NR4A1: variants seen among roughly 807,000 people sequenced by gnomAD.
NR4A1 encodes the protein nuclear receptor subfamily 4immunitygroup A member 1.
Under a neutral mutation model 47.5 loss-of-function variants are expected in NR4A1, and 24 were observed. The observed-to-expected ratio is 0.50, with a 90% confidence interval of 0.37 to 0.71. The LOEUF (loss-of-function observed/expected upper bound fraction) is 0.71. NR4A1 is among the 30% of genes least tolerant of loss of function. The pLI is 0.00. For synonymous variants in NR4A1, 353 were observed against 345.7 expected, an observed-to-expected ratio of 1.02 and a Z score of -0.24; for missense variants, 669 against 788.6, an observed-to-expected ratio of 0.85 and a Z score of 1.82.
chr12:52,055,346 C>A, intron 2 of NR4A1, 142 bp downstream of exon 2: 1 of 1,118,494 alleles, frequency 8.9e-7, no homozygotes, highest in Non-Finnish European at 1.3e-6. Flanking sequence ...GCCAGGTGGG[C>A]CGCCTTCCTG....
intron 1 of NR4A1, among the ~76,000 whole-genome samples, chr12:52,034,531 G>A (rs935734807): frequency 6.6e-6 from 1 of 152,208 alleles, no homozygotes; most frequent in African/African-American, 2.4e-5. Flanking sequence ...GTGAAGCAGT[G>A]CCTGTAGAAA....
chr12:52,057,622 G>A (rs1420272018), intron 6 of NR4A1, 92 bp downstream of exon 6: 19 of 1,466,530 alleles, frequency 1.3e-5, no homozygotes, highest in Non-Finnish European at 1.8e-5. Context: ...AGTTTGGTGG[G>A]CCGGGATCTA....
At chr12:52,028,870 T>G (rs1253578926) in intron 1 of NR4A1, among the ~76,000 whole-genome samples, 6 of 152,170 alleles carry the variant, frequency 3.9e-5, no homozygotes, top group African/African-American at 7.2e-5. Context: ...GCCACTGCAC[T>G]CCAGCCTGGG....
rs145268319 is a variant in NR4A1 at position 52,042,965 on chromosome 12, C to T, written c.37+1036C>T. On this transcript the variant is annotated intron_variant, in intron 2 of 7. Transcript: ENST00000360284. The stretch of plus-strand genomic sequence containing the variant: ...ACTGGCTCAGTATCTCCCTCAGCTT[C>T]CCAAACACTGTTGCCTCATGGGGGG... Among the ~76,000 whole-genome samples the T allele has an allele frequency of 8.7e-3, 1,323 of 152,290 alleles. 7 individuals are homozygous for T. The highest frequency in any genetic ancestry group is 0.014 in the Non-Finnish European group (949 of 68,024).
intron 1 of NR4A1, among the ~76,000 whole-genome samples, chr12:52,026,319 T>C (rs1199897589): frequency 2.0e-5 from 3 of 152,192 alleles, no homozygotes; most frequent in South Asian, 2.1e-4. Flanking sequence ...CAAGGCTAAA[T>C]GAAGGTGGGA....
At chr12:52,037,556 A>T (rs1424648992) in intron 1 of NR4A1, 3 of 963,816 alleles carry the variant, frequency 3.1e-6, no homozygotes, top group Non-Finnish European at 3.7e-6. Context: ...CCGCTTGGAA[A>T]CTGGGGAGTC....
In NR4A1 at chr12:52,056,547, A is replaced by T; in HGVS notation, c.1060A>T (p.Lys354Ter). 6.2e-7 allele frequency: 1 copy of T among 1,613,038 alleles called. No individual in the cohort carries two copies. The highest frequency in any genetic ancestry group is 8.5e-7 in the Non-Finnish European group (1 of 1,179,644). The change falls in exon 4 of 7, where the codon AAG becomes TAG. Residue 354 changes from lysine to a stop codon, truncating the protein, a stop_gained. Coordinates refer to ENST00000394825, the MANE Select transcript of NR4A1 (RefSeq NM_173157.3). LOFTEE classifies it high-confidence loss of function. ...GRRGRLPSKPKQPPDASPANL... is the reference protein window; with the variant it reads ...GRRGRLPSKP ...GCGGGGCCGGCTACCTTCAAAACCC[A>T]AGCAGCCCCCAGATGCCTCCCCTGC...
At chr12:52,051,391 C>T (rs1263920845), upstream of NR4A1, 1 of 985,476 alleles carries the variant, frequency 1.0e-6, no homozygotes, top group South Asian at 4.7e-5. Context: ...CGCCCCCGCC[C>T]CTCCCCGTGC....
At chr12:52,052,267 A>G (rs60116994) in intron 1 of NR4A1, among the ~76,000 whole-genome samples, 2,329 of 79,880 alleles carry the variant, frequency 0.029, 32 homozygotes, top group African/African-American at 0.093. Flanking sequence ...GGCTTGGATC[A>G]CGTGTGTGTG....
chr12:52,040,194 G>A (rs1419635912), intron 1 of NR4A1, among the ~76,000 whole-genome samples: 1 of 152,194 alleles, frequency 6.6e-6, no homozygotes, highest in Non-Finnish European at 1.5e-5. Context: ...GGGGTCCTCA[G>A]TAAATGCTTG....
intron 1 of NR4A1, chr12:52,038,027 C>T (rs904747802): frequency 1.3e-5 from 13 of 986,906 alleles, no homozygotes; most frequent in African/African-American, 1.8e-5. Context: ...GAGGGCAGGG[C>T]ACAGTTCCTT....
At position 52,045,520 on chromosome 12, in the gene NR4A1, C is replaced by A. The variant is rs566708472; in HGVS notation, c.37+3591C>A. The stretch of plus-strand genomic sequence containing the variant: ...GGGGGAGCCCAGGCCCCAGGCAGTG[C>A]TACATTTGGATGTGGAGCCTCTCCT... On this transcript the variant is annotated intron_variant, in intron 2 of 7. Coordinates refer to the NR4A1 transcript ENST00000360284. 299 of 453,104 alleles carry A rather than the reference C, an allele frequency of 6.6e-4. 1 individual carries two copies. Among genetic ancestry groups the A allele is most frequent in the Middle Eastern group, 2.3e-3 (7 of 3,062 alleles). The allele number at this position is 453,104 out of a possible 1,614,324, so 28.1% of individuals were successfully genotyped here. A position where few individuals can be genotyped will look rare whatever the true frequency, so the allele number is the denominator to read the frequency against.
At chr12:52,023,922 T>G (rs975166051) in intron 1 of NR4A1, among the ~76,000 whole-genome samples, 2 of 152,188 alleles carry the variant, frequency 1.3e-5, no homozygotes, top group African/African-American at 2.4e-5. Context: ...CCGGCCCGGC[T>G]CCTGGACCCC....
At chr12:52,038,572 C>A in intron 1 of NR4A1, 1 of 628,132 alleles carries the variant, frequency 1.6e-6, no homozygotes, top group Non-Finnish European at 2.9e-6. Flanking sequence ...TGTCGTCGGC[C>A]TGGCTTGGGG....
At chr12:52,053,064 C>A (rs113847017) in intron 1 of NR4A1, among the ~76,000 whole-genome samples, 3 of 152,214 alleles carry the variant, frequency 2.0e-5, no homozygotes, top group African/African-American at 7.2e-5. Context: ...ATCACTGCAC[C>A]CCTTGATTAT....
intron 1 of NR4A1, among the ~76,000 whole-genome samples, chr12:52,036,385 T>C (rs144732314): frequency 1.2e-3 from 180 of 152,204 alleles, no homozygotes; most frequent in Middle Eastern, 6.8e-3. Flanking sequence ...AAGCACTCCT[T>C]TGGATTGGGG....
chr12:52,027,182 C>T (rs905315758), intron 1 of NR4A1, among the ~76,000 whole-genome samples: 1 of 152,238 alleles, frequency 6.6e-6, no homozygotes, highest in African/African-American at 2.4e-5. Flanking sequence ...CCCTGACTTC[C>T]AGCCCGTTAC....
At chr12:52,036,754 C>T (rs1377799194) in intron 1 of NR4A1, among the ~76,000 whole-genome samples, 11 of 152,370 alleles carry the variant, frequency 7.2e-5, no homozygotes, top group African/African-American at 2.6e-4. Context: ...GCAGGGCGCC[C>T]GCAGACTCAA....
intron 1 of NR4A1, among the ~76,000 whole-genome samples, chr12:52,034,754 C>T (rs943540934): frequency 3.3e-5 from 5 of 152,222 alleles, no homozygotes; most frequent in African/African-American, 1.2e-4. Context: ...CCTATCTGTG[C>T]AGCCCCCACG....
Sources: allele counts gnomAD v4.1 joint callset (sites outside exome capture counted in the v4.1 genomes callset), GRCh38; gene constraint gnomAD v4.1.1; transcripts MANE v1.5; gene names NCBI Gene and HGNC (gene_info 2026-07-23, HGNC 2026-07-21).